The following RMDN2 variants were observed in gnomAD, a reference collection of about 807,000 sequenced individuals.
RMDN2 encodes regulator of microtubule dynamics 2, also known as regulator of microtubule dynamics protein 2.
A neutral mutation model predicts 52.8 loss-of-function variants in RMDN2; 61 were observed. That is an observed-to-expected ratio of 1.16 (90% CI 0.94 to 1.43). RMDN2 has a LOEUF of 1.43. Among genes scored for constraint, RMDN2 ranks in the 40% most tolerant of loss-of-function variants. The pLI is 0.00. For synonymous variants in RMDN2, 180 were observed against 153.1 expected (o/e 1.18, Z -1.30); for missense variants, 592 against 475.3 (o/e 1.25, Z -2.28).
intron 2 of RMDN2, among the ~76,000 whole-genome samples, chr2:37,958,497 G>T (rs1275567753): frequency 6.6e-6 from 1 of 150,932 alleles, no homozygotes; most frequent in Non-Finnish European, 1.5e-5. Context: ...TTTATCCTGA[G>T]ATTTTGCTGA....
chr2:38,042,856 G>GT (rs767085742), intron 10 of RMDN2, among the ~76,000 whole-genome samples: 1 of 152,110 alleles, frequency 6.6e-6, no homozygotes, highest in Non-Finnish European at 1.5e-5. Flanking sequence ...ATTATGGTCT[G>GT]TGAATATGTT....
intron 10 of RMDN2, among the ~76,000 whole-genome samples, chr2:38,009,579 C>G (rs1053171741): frequency 6.6e-6 from 1 of 152,156 alleles, no homozygotes; most frequent in African/African-American, 2.4e-5. Flanking sequence ...TTAAGGAATT[C>G]TCTGCGTTGA....
In RMDN2 at chr2:37,975,324, T is replaced by C. The variant is rs1672326091; in HGVS notation, c.730+10T>C. On this transcript the variant is annotated intron_variant, in intron 4 of 10. Coordinates refer to ENST00000354545, the MANE Select transcript of RMDN2 (RefSeq NM_001170791.3). ...CATTATGCTAATATTGGTAAGCATTTTGTAAAGATTATTCTCAAGTAGCAA... is the reference window on the plus strand; with the variant it reads ...CATTATGCTAATATTGGTAAGCATTCTGTAAAGATTATTCTCAAGTAGCAA... 8.4e-6 allele frequency: 12 copies of C among 1,436,306 alleles called. No homozygotes were observed. The highest frequency in any genetic ancestry group is 1.2e-5 in the South Asian group (1 of 86,316). The allele number at this position is 1,436,306 out of a possible 1,614,324, so 89.0% of individuals were successfully genotyped here. A position where few individuals can be genotyped will look rare whatever the true frequency, so the allele number is the denominator to read the frequency against.
intron 10 of RMDN2, among the ~76,000 whole-genome samples, chr2:38,040,075 T>TATTATC (rs1376961303): frequency 4.1e-4 from 60 of 148,080 alleles, no homozygotes; most frequent in Non-Finnish European, 7.6e-4. Flanking sequence ...TTATTATTAT[T>TATTATC]ATTATTATTT....
chr2:38,018,377 C>T (rs986354240), downstream of RMDN2, among the ~76,000 whole-genome samples: 3 of 151,994 alleles, frequency 2.0e-5, no homozygotes, highest in Middle Eastern at 3.2e-3. Flanking sequence ...TAAAATTTAT[C>T]GAGAGCCTTT....
chr2:38,008,529 C>T (rs1677452970), intron 10 of RMDN2, among the ~76,000 whole-genome samples: 1 of 151,972 alleles, frequency 6.6e-6, no homozygotes, highest in Admixed American at 6.6e-5. Flanking sequence ...GGATTGCAAC[C>T]CCTGCCTTTT....
chr2:37,932,723 T>C (rs1257144253), intron 2 of RMDN2, among the ~76,000 whole-genome samples: 1 of 141,496 alleles, frequency 7.1e-6, no homozygotes, highest in Non-Finnish European at 1.5e-5. Context: ...ACGGGGCGGC[T>C]GGCCGGGCAG....
Position 38,060,946 on chromosome 2 carries a change from CT to C in RMDN2, c.1714-6035del, listed in dbSNP as rs1275481064. ...TCAATCAGATATAATAAAACTTTGA[CT>C]CAAAGGCTAGACATAGTGTAGAAAA... On this transcript the variant is annotated intron_variant, in intron 10 of 10. Coordinates refer to the RMDN2 transcript ENST00000234195. Among the ~76,000 whole-genome samples, 8 of 152,268 alleles carry C rather than the reference CT, an allele frequency of 5.3e-5. No individual in the cohort carries two copies. The South Asian group carries it at 1.5e-3, about 28-fold the overall frequency.
chr2:37,958,292 C>G (rs371435117), intron 2 of RMDN2, among the ~76,000 whole-genome samples: 1 of 152,206 alleles, frequency 6.6e-6, no homozygotes, highest in East Asian at 1.9e-4. Context: ...GAGTGTTTTT[C>G]CATTTGTTTG....
intron 2 of RMDN2, among the ~76,000 whole-genome samples, chr2:37,931,839 TC>T (rs1321862065): frequency 1.3e-5 from 2 of 152,090 alleles, no homozygotes; most frequent in Non-Finnish European, 2.9e-5. Context: ...GGAGAGACAT[TC>T]CCTCCTCTTG....
intron 2 of RMDN2, among the ~76,000 whole-genome samples, chr2:37,966,010 T>C (rs374039662): frequency 2.0e-5 from 3 of 152,346 alleles, no homozygotes; most frequent in East Asian, 1.9e-4. Context: ...TTAAATGTAA[T>C]GAGTTGCTTT....
intron 8 of RMDN2, among the ~76,000 whole-genome samples, chr2:37,998,749 C>T (rs1675916156): frequency 6.6e-6 from 1 of 152,000 alleles, no homozygotes; most frequent in Admixed American, 6.6e-5. Context: ...AAAAAAGAAA[C>T]GGGCTGTACA....
intron 4 of RMDN2, 128 bp from the exon 5 acceptor site, chr2:37,981,155 C>G: frequency 1.4e-6 from 1 of 696,286 alleles, no homozygotes; most frequent in Non-Finnish European, 2.6e-6. Flanking sequence ...AGTTCTTAAA[C>G]AAAGTTGCCA....
intron 10 of RMDN2, among the ~76,000 whole-genome samples, chr2:38,043,614 A>G (rs12623750): frequency 0.3 from 45,377 of 151,774 alleles, 9,792 homozygotes; most frequent in East Asian, 0.79. Flanking sequence ...AGTATTTTAT[A>G]TGATTCCATT....
At chr2:37,953,298 C>G (rs1022652835) in intron 2 of RMDN2, among the ~76,000 whole-genome samples, 2 of 152,010 alleles carry the variant, frequency 1.3e-5, no homozygotes, top group East Asian at 3.9e-4. Context: ...TTCCACAACT[C>G]TTTTCATCTT....
chr2:37,992,856 G>A (rs2125142633), intron 7 of RMDN2, among the ~76,000 whole-genome samples: 1 of 152,160 alleles, frequency 6.6e-6, no homozygotes, highest in East Asian at 1.9e-4. Context: ...AATTTGCCCA[G>A]GGTCACTCAG....
intron 10 of RMDN2, among the ~76,000 whole-genome samples, chr2:38,038,876 T>G (rs965198836): frequency 6.6e-6 from 1 of 152,014 alleles, no homozygotes; most frequent in Non-Finnish European, 1.5e-5. Flanking sequence ...CCTGCCCTGA[T>G]AGGTTTCGCC....
intron 10 of RMDN2, among the ~76,000 whole-genome samples, chr2:38,015,638 A>G (rs1678664387): frequency 6.6e-6 from 1 of 152,222 alleles, no homozygotes; most frequent in Non-Finnish European, 1.5e-5. Context: ...CAGAAAGAGT[A>G]GACTCTGCTA....
chr2:37,921,756 T>G (rs537805302), upstream of RMDN2, among the ~76,000 whole-genome samples: 19 of 152,360 alleles, frequency 1.2e-4, no homozygotes, highest in African/African-American at 4.6e-4. Flanking sequence ...AGTTTGATAT[T>G]TGTCTCTAAA....
Sources: gnomAD v4.1 joint callset for allele counts (sites outside exome capture counted in the v4.1 genomes callset) on GRCh38, gnomAD v4.1.1 for gene constraint, MANE v1.5 for transcripts, NCBI Gene and HGNC (gene_info 2026-07-23, HGNC 2026-07-21) for gene names.